Variants in AIRIM observed in about 807,000 individuals in gnomAD.
The protein encoded by AIRIM is AFG2-interacting ribosome maturation factor.
the AIRIM span, among the ~76,000 whole-genome samples, chr1:37,685,517 A>G: frequency 6.6e-6 from 1 of 151,830 alleles, no homozygotes; most frequent in Non-Finnish European, 1.5e-5. Flanking sequence ...AGTAGCTGGG[A>G]TTACAGACTT....
At chr1:37,686,624 G>A in the AIRIM span, among the ~76,000 whole-genome samples, 1 of 152,258 alleles carries the variant, frequency 6.6e-6, no homozygotes, top group South Asian at 2.1e-4. Context: ...TAAATGACAG[G>A]TGTAAACTAT....
At chr1:37,686,123 A>T in the AIRIM span, 1 of 687,858 alleles carries the variant, frequency 1.5e-6, no homozygotes, top group Admixed American at 3.4e-5. Context: ...TTATTAGAGG[A>T]AGGATTATAC....
the AIRIM span, among the ~76,000 whole-genome samples, chr1:37,685,382 CTTT>C: frequency 2.2e-5 from 3 of 138,216 alleles, no homozygotes; most frequent in Admixed American, 1.4e-4. Context: ...GCCCAAAATT[CTTT>C]TTTTTTTTTT....
chr1:37,684,937 T>G, the AIRIM span, among the ~76,000 whole-genome samples: 1 of 151,640 alleles, frequency 6.6e-6, no homozygotes, highest in Non-Finnish European at 1.5e-5. Context: ...GGAGGTAGGA[T>G]CATCAAGGCC....
chr1:37,688,258 A>G, the AIRIM span, among the ~76,000 whole-genome samples: 1 of 151,576 alleles, frequency 6.6e-6, no homozygotes, highest in African/African-American at 2.4e-5. Context: ...GTGTTTCACC[A>G]TGTTGGCCAG....
chr1:37,690,604 G>A, the AIRIM span: 15 of 571,118 alleles, frequency 2.6e-5, no homozygotes, highest in Non-Finnish European at 3.9e-5. Context: ...ATATCGTAGT[G>A]CCGCAATGAC....
chr1:37,689,523 CCTT>C, the AIRIM span: 5 of 1,449,382 alleles, frequency 3.4e-6, no homozygotes, highest in South Asian at 7.1e-5. Flanking sequence ...GAGAAAAACA[CCTT>C]CTGGACTGAC....
chr1:37,682,060 G>T, the AIRIM span: 1 of 151,964 alleles, frequency 6.6e-6, no homozygotes, highest in Non-Finnish European at 1.5e-5. Context: ...TATATTAAAA[G>T]AAAAAATTTG....
At chr1:37,683,184 T>C in the AIRIM span, 1 of 1,606,024 alleles carries the variant, frequency 6.2e-7, no homozygotes, top group Non-Finnish European at 8.5e-7. Flanking sequence ...ACAGAAAAAA[T>C]GGCATTATCA....
chr1:37,682,355 G>A, the AIRIM span: 7 of 152,618 alleles, frequency 4.6e-5, 1 homozygote, highest in African/African-American at 1.7e-4. Context: ...TAACCCCGAT[G>A]GACTGACTCT....
the AIRIM span, chr1:37,691,726 T>C: frequency 1.3e-5 from 2 of 152,346 alleles, no homozygotes; most frequent in African/African-American, 4.8e-5. Flanking sequence ...CCCTGGAGCC[T>C]GGTGGCCGCG....
chr1:37,690,601 A>G, the AIRIM span: 8 of 605,598 alleles, frequency 1.3e-5, no homozygotes, highest in Non-Finnish European at 1.9e-5. Context: ...AATATATCGT[A>G]GTGCCGCAAT....
chr1:37,689,996 T>C, the AIRIM span: 1 of 1,439,344 alleles, frequency 6.9e-7, no homozygotes, highest in Non-Finnish European at 9.1e-7. Flanking sequence ...ACAGGAGTTG[T>C]CTCACCTCCA....
chr1:37,684,548 G>T, the AIRIM span, among the ~76,000 whole-genome samples: 12 of 152,242 alleles, frequency 7.9e-5, no homozygotes, highest in Non-Finnish European at 1.5e-4. Context: ...GAACTCGGGA[G>T]GTGGAGGTTG....
chr1:37,682,269 A>C, the AIRIM span: 1 of 152,210 alleles, frequency 6.6e-6, no homozygotes, highest in Admixed American at 6.5e-5. Flanking sequence ...CAAGATTCCC[A>C]CAACACTCTG....
chr1:37,685,512 C>A, the AIRIM span, among the ~76,000 whole-genome samples: 4 of 152,012 alleles, frequency 2.6e-5, no homozygotes, highest in Admixed American at 1.3e-4. Flanking sequence ...TCCCGAGTAG[C>A]TGGGATTACA....
chr1:37,686,671 C>A, the AIRIM span, among the ~76,000 whole-genome samples: 1 of 152,150 alleles, frequency 6.6e-6, no homozygotes, highest in Non-Finnish European at 1.5e-5. Flanking sequence ...ACCAATAATG[C>A]CTCTAGATGA....
At chr1:37,681,949 G>A in the AIRIM span, 4 of 152,296 alleles carry the variant, frequency 2.6e-5, no homozygotes, top group African/African-American at 4.8e-5. Flanking sequence ...GAATTGGTCA[G>A]GAGCAGTGGC....
chr1:37,683,159 A>G, the AIRIM span: 1 of 1,612,294 alleles, frequency 6.2e-7, no homozygotes, highest in Non-Finnish European at 8.5e-7. Context: ...TCAATAGGAT[A>G]TCTGAAATAG....
Sources: allele counts gnomAD v4.1 joint callset (sites outside exome capture counted in the v4.1 genomes callset), GRCh38; gene constraint gnomAD v4.1.1; transcripts MANE v1.5; gene names NCBI Gene and HGNC (gene_info 2026-07-23, HGNC 2026-07-21).